The following DCAF6 variants were observed in gnomAD, a reference collection of about 807,000 sequenced individuals.
DCAF6 encodes DDB1 and CUL4 associated factor 6.
Under a neutral mutation model 125.1 loss-of-function variants are expected in DCAF6, and 54 were observed. The observed-to-expected ratio is 0.43, with a 90% CI of 0.35 to 0.54. The LOEUF is 0.54. DCAF6 is among the 20% of genes least tolerant of loss of function. The probability of loss-of-function intolerance (pLI) is 0.01; values close to 1 mark genes in which losing one functional copy is unlikely to be tolerated. For synonymous variants in DCAF6, 371 were observed against 390.4 expected (o/e 0.95, Z 0.58); for missense variants, 934 against 1,161.7 (o/e 0.80, Z 2.85).
In DCAF6 at chr1:167,974,845, C is replaced by A; in HGVS notation, c.268C>A (p.Arg90Ser). The change falls in exon 4 of 22, where the codon CGT becomes AGT. Residue 90 changes from arginine to serine, a missense_variant. Physicochemically the swap from Arg to Ser is moderately radical, Grantham distance 110 (BLOSUM62 -1). Transcript: ENST00000367840. ...TGTGTTTTAGGTTTTGACAACAATT[C>A]GTTCAGGGCACCGAGCAAACATATT... ...PYSRKVLTTI[R>S]SGHRANIFSA... 1.3e-6 allele frequency: 2 copies of A among 1,529,586 alleles called. No homozygotes were observed. The highest frequency in any genetic ancestry group is 1.4e-5 in the South Asian group (1 of 73,510). 94.8% of individuals were successfully genotyped at this position (1,529,586 alleles called of 1,614,324 possible).
At chr1:167,980,391 C>T (rs1678918796) in intron 4 of DCAF6, among the ~76,000 whole-genome samples, 1 of 148,746 alleles carries the variant, frequency 6.7e-6, no homozygotes, top group South Asian at 2.1e-4. Flanking sequence ...TTTTGAGGAC[C>T]CTCCATACTA....
intron 9 of DCAF6, among the ~76,000 whole-genome samples, 156 bp from the exon 10 acceptor site, chr1:168,004,377 A>T (rs946525388): frequency 6.6e-6 from 1 of 152,118 alleles, no homozygotes; most frequent in South Asian, 2.1e-4. Context: ...TGACTGGCCT[A>T]TTTTGTCAAA....
chr1:168,056,448 CG>C, intron 17 of DCAF6: 1 of 1,306,864 alleles, frequency 7.7e-7, no homozygotes, highest in Non-Finnish European at 9.9e-7. Context: ...GGGGTCGCAG[CG>C]CTACGCCTCG....
the DCAF6 span, among the ~76,000 whole-genome samples, chr1:167,922,705 A>C: frequency 6.6e-6 from 1 of 152,146 alleles, no homozygotes. Context: ...AAGAGACTAA[A>C]CTTGCCCAAG....
chr1:167,974,308 T>C (rs1677804379), intron 3 of DCAF6, among the ~76,000 whole-genome samples: 1 of 152,200 alleles, frequency 6.6e-6, no homozygotes, highest in African/African-American at 2.4e-5. Flanking sequence ...TATACAAATA[T>C]TAAAATATCA....
Position 168,044,494 on chromosome 1 carries a change from T to C in DCAF6, c.1844-91T>C. 5 of 813,158 alleles carry C rather than the reference T, an allele frequency of 6.1e-6. No homozygotes were observed. The South Asian group carries it at 7.3e-5, about 12-fold the overall frequency. The allele number at this position is 813,158 out of a possible 1,614,324, so 50.4% of individuals were successfully genotyped here. A position where few individuals can be genotyped will look rare whatever the true frequency, so the allele number is the denominator to read the frequency against. On this transcript the variant is annotated intron_variant, in intron 14 of 21. Coordinates refer to ENST00000367840, the MANE Select transcript of DCAF6 (RefSeq NM_001198956.2). ...TATTATGCCATTATATATGAGGGAC[T>C]TGAGGAGCTGCAGATTTTGGTATTT...
chr1:167,972,020 T>A (rs1371889308), intron 3 of DCAF6, among the ~76,000 whole-genome samples: 1 of 152,172 alleles, frequency 6.6e-6, no homozygotes, highest in African/African-American at 2.4e-5. Context: ...CATACCCGGC[T>A]AATTTTTGTA....
At chr1:168,022,918 A>T (rs1685845098) in intron 11 of DCAF6, 70 bp from the exon 12 acceptor site, 1 of 1,374,274 alleles carries the variant, frequency 7.3e-7, no homozygotes, top group African/African-American at 1.4e-5. Flanking sequence ...TTAAGCTTAG[A>T]GATGATCATG....
At chr1:168,018,706 A>G (rs1685291692) in intron 11 of DCAF6, among the ~76,000 whole-genome samples, 1 of 152,226 alleles carries the variant, frequency 6.6e-6, no homozygotes, top group Non-Finnish European at 1.5e-5. Context: ...ACCACAACTC[A>G]TTTAGGAAAT....
the DCAF6 span, chr1:167,880,074 GTTT>G: frequency 6.4e-7 from 1 of 1,560,804 alleles, no homozygotes; most frequent in South Asian, 1.1e-5. Flanking sequence ...AAGGTGCTGT[GTTT>G]GCAGAAAGAA....
the DCAF6 span, among the ~76,000 whole-genome samples, chr1:167,910,206 T>C: frequency 6.6e-6 from 1 of 152,236 alleles, no homozygotes. Context: ...TGGTTTTGTG[T>C]TTCCTTGTTG....
chr1:167,878,394 T>C, the DCAF6 span: 7 of 1,585,216 alleles, frequency 4.4e-6, no homozygotes, highest in Non-Finnish European at 6.1e-6. Context: ...GCTATCATAA[T>C]TCTCCCGCTT....
chr1:167,974,927 A>T lies in DCAF6; in HGVS notation c.350A>T (p.Asp117Val). The change falls in exon 4 of 22, where the codon GAT (aspartate) becomes GTT (valine). Residue 117 changes from aspartate (D) to valine (V), a missense_variant. Around this residue, in one of 5 missense-constraint regions of DCAF6, gnomAD observed 309 missense variants for 381.2 expected, o/e 0.81. Coordinates refer to ENST00000367840, the MANE Select transcript of DCAF6 (RefSeq NM_001198956.2). ...NDKQIVSCSGDGVIFYTNVEQ... is the reference protein window; with the variant it reads ...NDKQIVSCSGVGVIFYTNVEQ... ...AAACAGATTGTATCCTGCTCTGGAG[A>T]TGGAGTAATATTTTATACCAACGTT... is the stretch of plus-strand genomic sequence containing the variant. 6.2e-7 allele frequency: 1 copy of T among 1,609,284 alleles called. No homozygotes were observed. Among genetic ancestry groups the T allele is most frequent in the Non-Finnish European group, 8.5e-7 (1 of 1,177,802 alleles).
chr1:168,002,376 C>G (rs1360040151), intron 7 of DCAF6, 106 bp from the exon 8 acceptor site: 3 of 938,584 alleles, frequency 3.2e-6, no homozygotes, highest in African/African-American at 3.3e-5. Flanking sequence ...AATTTGCATA[C>G]TCAAGAAGTA....
intron 1 of DCAF6, among the ~76,000 whole-genome samples, chr1:167,942,180 C>G (rs141431074): frequency 0.01 from 1,580 of 152,290 alleles, 34 homozygotes; most frequent in African/African-American, 0.034. Flanking sequence ...ATTCTCCTGC[C>G]TCAGCCTGCC....
intron 5 of DCAF6, among the ~76,000 whole-genome samples, chr1:167,989,256 TG>T (rs577505128): frequency 1.0e-3 from 159 of 152,296 alleles, no homozygotes; most frequent in African/African-American, 3.7e-3. Flanking sequence ...GAGTAAGTGG[TG>T]GGTACTAAAT....
the DCAF6 span, among the ~76,000 whole-genome samples, chr1:167,881,932 A>G: frequency 6.6e-6 from 1 of 152,230 alleles, no homozygotes; most frequent in African/African-American, 2.4e-5. Context: ...GCACAGAGTT[A>G]GTTCGTCTCA....
chr1:168,059,072 A>G (rs760913802), intron 17 of DCAF6, among the ~76,000 whole-genome samples: 23 of 151,966 alleles, frequency 1.5e-4, no homozygotes, highest in Admixed American at 1.3e-4. Flanking sequence ...AATTTTATCA[A>G]TCTTTTATGC....
chr1:167,900,411 G>C, the DCAF6 span, among the ~76,000 whole-genome samples: 8 of 152,192 alleles, frequency 5.3e-5, no homozygotes, highest in African/African-American at 1.9e-4. Context: ...GCATGCAAGA[G>C]GGGGCTGGGT....
Sources: gnomAD v4.1 joint callset for allele counts (sites outside exome capture counted in the v4.1 genomes callset) on GRCh38, gnomAD v4.1.1 for gene constraint, gnomAD v4.1.1 regional missense constraint, MANE v1.5 for transcripts, NCBI Gene and HGNC (gene_info 2026-07-23, HGNC 2026-07-21) for gene names.